The following LOC122539214 variants were observed in gnomAD, a reference collection of about 807,000 sequenced individuals.
chr19:52,683,298 A>C, the LOC122539214 span, among the ~76,000 whole-genome samples: 13 of 150,678 alleles, frequency 8.6e-5, no homozygotes, highest in African/African-American at 3.2e-4. Context: ...ACGTGTTGTG[A>C]CAGGCAAGGA....
chr19:52,675,311 G>A, the LOC122539214 span, among the ~76,000 whole-genome samples: 1 of 152,212 alleles, frequency 6.6e-6, no homozygotes, highest in Admixed American at 6.5e-5. Flanking sequence ...TAGGCCTGAA[G>A]GATCCCACGA....
the LOC122539214 span, among the ~76,000 whole-genome samples, chr19:52,683,221 T>C: frequency 3.5e-5 from 5 of 144,028 alleles, no homozygotes; most frequent in African/African-American, 1.3e-4. Flanking sequence ...TCAGCTGCCC[T>C]GTGACTCTGT....
chr19:52,671,766 C>A, the LOC122539214 span, among the ~76,000 whole-genome samples: 1 of 152,124 alleles, frequency 6.6e-6, no homozygotes, highest in African/African-American at 2.4e-5. Flanking sequence ...TAGGTGTTTT[C>A]TTTGTTATTC....
chr19:52,685,190 C>A, the LOC122539214 span, among the ~76,000 whole-genome samples: 11 of 152,244 alleles, frequency 7.2e-5, no homozygotes, highest in Admixed American at 2.6e-4. Context: ...ATTTCAGGGG[C>A]CAGGGTCACT....
At chr19:52,684,116 C>A in the LOC122539214 span, among the ~76,000 whole-genome samples, 1 of 152,070 alleles carries the variant, frequency 6.6e-6, no homozygotes, top group Non-Finnish European at 1.5e-5. Flanking sequence ...TGCCTGTAAT[C>A]CTAGCACTCT....
the LOC122539214 span, among the ~76,000 whole-genome samples, chr19:52,682,856 G>C: frequency 6.6e-6 from 1 of 152,010 alleles, no homozygotes; most frequent in Non-Finnish European, 1.5e-5. Flanking sequence ...GCCACAGAGC[G>C]ACACCTTCTC....
At chr19:52,683,818 C>CCT in the LOC122539214 span, among the ~76,000 whole-genome samples, 1 of 152,124 alleles carries the variant, frequency 6.6e-6, no homozygotes, top group African/African-American at 2.4e-5. Flanking sequence ...CTCAGTCTTC[C>CCT]GAGGACACCT....
At chr19:52,680,606 ATTTTTT>A in the LOC122539214 span, among the ~76,000 whole-genome samples, 9,999 of 88,724 alleles carry the variant, frequency 0.11, 256 homozygotes, top group Middle Eastern at 0.18. Flanking sequence ...TCCACAAAAT[ATTTTTT>A]TTTTTTTTTT....
At chr19:52,677,708 T>TC in the LOC122539214 span, among the ~76,000 whole-genome samples, 125,616 of 151,800 alleles carry the variant, frequency 0.83, 52,639 homozygotes, top group African/African-American at 0.96. Flanking sequence ...TGAAGAATGA[T>TC]CCCTAGCTGA....
the LOC122539214 span, among the ~76,000 whole-genome samples, chr19:52,672,138 G>A: frequency 6.6e-6 from 1 of 152,172 alleles, no homozygotes; most frequent in Non-Finnish European, 1.5e-5. Context: ...GGAGATTGAG[G>A]CAGGAGAATC....
the LOC122539214 span, among the ~76,000 whole-genome samples, chr19:52,688,211 A>G: frequency 9.2e-5 from 14 of 152,054 alleles, no homozygotes; most frequent in South Asian, 2.9e-3. Context: ...CACTCTGTTG[A>G]CCAGGCTGCA....
At chr19:52,681,928 A>C in the LOC122539214 span, among the ~76,000 whole-genome samples, 1 of 152,170 alleles carries the variant, frequency 6.6e-6, no homozygotes, top group Non-Finnish European at 1.5e-5. Flanking sequence ...GCTCACTGCA[A>C]CCTCGTTTGC....
At chr19:52,651,728 A>C in the LOC122539214 span, 1 of 157,300 alleles carries the variant, frequency 6.4e-6, no homozygotes, top group Non-Finnish European at 1.4e-5. Flanking sequence ...AAAAGAAAGA[A>C]AGAAGGAAAG....
the LOC122539214 span, among the ~76,000 whole-genome samples, chr19:52,687,513 AT>A: frequency 1.4e-5 from 1 of 72,712 alleles, no homozygotes; most frequent in African/African-American, 6.1e-5. Context: ...TATAAATTAT[AT>A]ATAAATTTTA....
At chr19:52,666,825 A>G in the LOC122539214 span, among the ~76,000 whole-genome samples, 2 of 152,224 alleles carry the variant, frequency 1.3e-5, no homozygotes, top group Admixed American at 1.3e-4. Context: ...CCTTCCAGAC[A>G]GGACTATACA....
chr19:52,679,266 G>A, the LOC122539214 span, among the ~76,000 whole-genome samples: 1 of 152,130 alleles, frequency 6.6e-6, no homozygotes. Flanking sequence ...TTAGTTTATG[G>A]GATGAACATT....
the LOC122539214 span, among the ~76,000 whole-genome samples, chr19:52,670,968 T>C: frequency 3.3e-5 from 5 of 152,208 alleles, no homozygotes. Flanking sequence ...AGAAAATAGA[T>C]GATGAATGTT....
At chr19:52,687,577 T>G in the LOC122539214 span, among the ~76,000 whole-genome samples, 3 of 35,012 alleles carry the variant, frequency 8.6e-5, no homozygotes, top group African/African-American at 4.2e-4. Flanking sequence ...ATATATAAAT[T>G]TTATATATAT....
chr19:52,682,361 G>T, the LOC122539214 span, among the ~76,000 whole-genome samples: 19,017 of 151,970 alleles, frequency 0.13, 1,250 homozygotes, highest in Middle Eastern at 0.16. Context: ...CTTCACCCTG[G>T]ACAGAATAAA....
Sources: gnomAD v4.1 joint callset for allele counts (sites outside exome capture counted in the v4.1 genomes callset) on GRCh38, gnomAD v4.1.1 for gene constraint, MANE v1.5 for transcripts.